POU6F2: variants seen among roughly 807,000 people sequenced by gnomAD.
The protein encoded by POU6F2 is POU domain, class 6, transcription factor 2.
A neutral mutation model predicts 71.3 loss-of-function variants in POU6F2; 31 were observed. That is an observed-to-expected ratio of 0.43 (90% confidence interval 0.33 to 0.59). The LOEUF (loss-of-function observed/expected upper bound fraction) is 0.59. Ranked by LOEUF, POU6F2 falls within the 20% of genes least tolerant of loss-of-function variation. The probability of loss-of-function intolerance (pLI) is 0.04; values close to 1 mark genes in which losing one functional copy is unlikely to be tolerated. For missense variants in POU6F2, 783 were observed against 856.8 expected, an observed-to-expected ratio of 0.91 and a Z score of 1.07; for synonymous variants, 347 against 355.7, an observed-to-expected ratio of 0.98 and a Z score of 0.27.
At chr7:39,459,795 G>A (rs890999690) in intron 8 of POU6F2, among the ~76,000 whole-genome samples, 13 of 152,050 alleles carry the variant, frequency 8.5e-5, no homozygotes, top group African/African-American at 3.1e-4. Context: ...AGCCAGGGGG[G>A]GAAAAGTTTC....
chr7:39,233,715 C>T (rs1221521274), intron 4 of POU6F2, among the ~76,000 whole-genome samples: 1 of 152,188 alleles, frequency 6.6e-6, no homozygotes, highest in African/African-American at 2.4e-5. Flanking sequence ...AGAAAGCCAG[C>T]ATGTGAATGC....
At chr7:39,010,700 T>A (rs1789251732) in intron 1 of POU6F2, among the ~76,000 whole-genome samples, 1 of 141,346 alleles carries the variant, frequency 7.1e-6, no homozygotes, top group Admixed American at 7.1e-5. Context: ...TTTGAATGCA[T>A]CCCAGAGATT....
At chr7:39,364,707 G>A (rs112733704) in intron 5 of POU6F2, among the ~76,000 whole-genome samples, 25,606 of 152,150 alleles carry the variant, frequency 0.17, 2,419 homozygotes, top group Admixed American at 0.24. Context: ...ATGCAATCAC[G>A]AATTGTGCTA....
intron 2 of POU6F2, among the ~76,000 whole-genome samples, chr7:39,196,745 C>G (rs1437882794): frequency 6.6e-6 from 1 of 151,088 alleles, no homozygotes; most frequent in Non-Finnish European, 1.5e-5. Flanking sequence ...GGCCACAGAG[C>G]GAGACTCCAT....
chr7:39,163,762 T>G (rs1309862697), intron 2 of POU6F2, among the ~76,000 whole-genome samples: 1 of 152,140 alleles, frequency 6.6e-6, no homozygotes, highest in Non-Finnish European at 1.5e-5. Context: ...TGGAAACAAC[T>G]AGGTGTCCAT....
chr7:39,278,028 C>A (rs998577306), intron 4 of POU6F2, among the ~76,000 whole-genome samples: 1 of 141,354 alleles, frequency 7.1e-6, no homozygotes, highest in Non-Finnish European at 1.5e-5. Context: ...GAGCCGAGAT[C>A]GGGCCACTGC....
chr7:39,413,703 A>T (rs79450866), intron 6 of POU6F2, among the ~76,000 whole-genome samples: 2,217 of 152,312 alleles, frequency 0.015, 51 homozygotes, highest in African/African-American at 0.047. Flanking sequence ...CATTTCTTAA[A>T]TCAGCTCTTT....
chr7:39,426,161 G>T (rs79262367), intron 6 of POU6F2, among the ~76,000 whole-genome samples: 5 of 152,248 alleles, frequency 3.3e-5, no homozygotes, highest in Non-Finnish European at 7.4e-5. Context: ...TGATGCTCTC[G>T]ACCAGTCAGG....
At chr7:39,225,970 T>TTTTTTTTTTTAAAAAAAAAA (rs1794453922) in intron 4 of POU6F2, among the ~76,000 whole-genome samples, 1 of 150,148 alleles carries the variant, frequency 6.7e-6, no homozygotes, top group African/African-American at 2.4e-5. Flanking sequence ...AAAAAAAGGT[T>TTTTTTTTTTTAAAAAAAAAA]GTTTTTTTTT....
chr7:39,127,877 C>G (rs1016179731), intron 2 of POU6F2, among the ~76,000 whole-genome samples: 9 of 124,822 alleles, frequency 7.2e-5, no homozygotes, highest in East Asian at 2.5e-4. Context: ...GAGTCTTGCT[C>G]TGTCGCCCAG....
chr7:39,226,518 A>C (rs1478350030), intron 4 of POU6F2, among the ~76,000 whole-genome samples: 1 of 151,792 alleles, frequency 6.6e-6, no homozygotes, highest in Non-Finnish European at 1.5e-5. Flanking sequence ...TTAGTTCTTC[A>C]TTGTTTAGGT....
chr7:39,289,267 C>T (rs1219410116), intron 4 of POU6F2, among the ~76,000 whole-genome samples: 1 of 152,226 alleles, frequency 6.6e-6, no homozygotes, highest in Non-Finnish European at 1.5e-5. Flanking sequence ...GCACTGGAAA[C>T]TAGACAGCAA....
At chr7:39,019,284 A>C (rs1035433791) in intron 1 of POU6F2, among the ~76,000 whole-genome samples, 1 of 152,192 alleles carries the variant, frequency 6.6e-6, no homozygotes, top group Admixed American at 6.5e-5. Flanking sequence ...CTGGCATCCA[A>C]CATCACTTAT....
intron 2 of POU6F2, among the ~76,000 whole-genome samples, chr7:39,130,470 A>AC (rs1792247620): frequency 1.3e-5 from 2 of 152,200 alleles, no homozygotes; most frequent in Non-Finnish European, 2.9e-5. Flanking sequence ...GAGAGAAGCT[A>AC]CGTAAGCACA....
intron 2 of POU6F2, among the ~76,000 whole-genome samples, chr7:39,108,797 A>T (rs1293416475): frequency 6.6e-6 from 1 of 152,218 alleles, no homozygotes; most frequent in African/African-American, 2.4e-5. Flanking sequence ...AAGTTTGTGT[A>T]TGGAGTATGC....
chr7:39,072,103 G>C (rs762848763), intron 1 of POU6F2, among the ~76,000 whole-genome samples: 1 of 152,158 alleles, frequency 6.6e-6, no homozygotes, highest in Non-Finnish European at 1.5e-5. Flanking sequence ...TGAGGTATGA[G>C]AGAAAGTAGG....
At position 39,460,941 on chromosome 7, in the gene POU6F2, C is replaced by T. The variant is rs1470336922; in HGVS notation, c.1658+226C>T. On this transcript the variant is annotated intron_variant, in intron 9 of 9. Coordinates refer to ENST00000518318, the MANE Select transcript of POU6F2 (RefSeq NM_001370959.1). This position sits in a 1 kb window ranked among gnomAD's most constrained non-coding sequence, Gnocchi z 4.4. The stretch of plus-strand genomic sequence containing the variant: ...ACTCCTGTCAACTCACAAAGAACTT[C>T]CAAGGCAGTCTCATTGGAAATACAC... 6.6e-6 allele frequency among the ~76,000 whole-genome samples: 1 copy of T among 152,156 alleles called. No individual in the cohort carries two copies. Among genetic ancestry groups the T allele is most frequent in the African/African-American group, 2.4e-5 (1 of 41,446 alleles).
intron 5 of POU6F2, among the ~76,000 whole-genome samples, chr7:39,352,855 G>T (rs888888558): frequency 5.9e-5 from 9 of 151,980 alleles, no homozygotes; most frequent in African/African-American, 2.2e-4. Context: ...CCCAGGTAAT[G>T]AACATAGTGC....
chr7:39,156,956 A>G (rs1426155356), intron 2 of POU6F2, among the ~76,000 whole-genome samples: 1 of 152,204 alleles, frequency 6.6e-6, no homozygotes, highest in Non-Finnish European at 1.5e-5. Flanking sequence ...TTCATGGTCA[A>G]AACTTTAAGG....
Sources: allele counts gnomAD v4.1 joint callset (sites outside exome capture counted in the v4.1 genomes callset), GRCh38; gene constraint gnomAD v4.1.1; non-coding constraint Gnocchi (gnomAD v3.1); transcripts MANE v1.5; gene names NCBI Gene and HGNC (gene_info 2026-07-23, HGNC 2026-07-21).